Variants in KHDRBS2 observed in about 807,000 individuals in gnomAD.
The protein encoded by KHDRBS2 is KH RNA binding domain containing, signal transduction associated 2.
In KHDRBS2, 26 loss-of-function variants were observed where a neutral mutation model predicts 44.3. That is an observed-to-expected ratio of 0.59 (90% CI 0.43 to 0.81). The LOEUF is 0.81. Among genes scored for constraint, KHDRBS2 ranks in the 40% least tolerant of loss-of-function variants. The probability of loss-of-function intolerance (pLI) is 0.00; values close to 1 mark genes in which losing one functional copy is unlikely to be tolerated. For synonymous variants in KHDRBS2, 194 were observed against 151.1 expected, an observed-to-expected ratio of 1.28 and a Z score of -2.08; for missense variants, 476 against 433.1, an observed-to-expected ratio of 1.10 and a Z score of -0.88.
chr6:62,276,109 T>C (rs1384771702), intron 1 of KHDRBS2, among the ~76,000 whole-genome samples: 3 of 152,180 alleles, frequency 2.0e-5, no homozygotes, highest in Non-Finnish European at 4.4e-5. Flanking sequence ...ATATCTACGC[T>C]CTAGAGAAAA....
intron 6 of KHDRBS2, among the ~76,000 whole-genome samples, chr6:61,774,468 G>C (rs1167664767): frequency 1.3e-5 from 2 of 152,060 alleles, no homozygotes; most frequent in African/African-American, 2.4e-5. Flanking sequence ...CAAAATCAAT[G>C]TACAAAAATC....
the KHDRBS2 span, among the ~76,000 whole-genome samples, chr6:61,664,190 G>A: frequency 6.6e-6 from 1 of 151,842 alleles, no homozygotes; most frequent in East Asian, 2.0e-4. Context: ...AAGCAGATTA[G>A]ATGTTTTAAT....
At chr6:61,965,123 G>T (rs1263298323) in intron 4 of KHDRBS2, among the ~76,000 whole-genome samples, 3 of 152,044 alleles carry the variant, frequency 2.0e-5, no homozygotes, top group African/African-American at 7.2e-5. Flanking sequence ...AAAATTAAAA[G>T]GGAAATGCTA....
intron 4 of KHDRBS2, among the ~76,000 whole-genome samples, chr6:61,943,512 T>A (rs1812573159): frequency 6.6e-6 from 1 of 152,094 alleles, no homozygotes; most frequent in Non-Finnish European, 1.5e-5. Context: ...ATTCTCCACT[T>A]AAAAGATACA....
chr6:61,990,639 T>A (rs187981756), intron 3 of KHDRBS2, among the ~76,000 whole-genome samples: 88 of 152,250 alleles, frequency 5.8e-4, no homozygotes, highest in African/African-American at 1.7e-3. Context: ...CAGCAAGCTC[T>A]GTGCTGAGTA....
chr6:61,871,013 G>T (rs1005424121), intron 6 of KHDRBS2, among the ~76,000 whole-genome samples: 2 of 152,148 alleles, frequency 1.3e-5, no homozygotes, highest in Non-Finnish European at 2.9e-5. Flanking sequence ...TGAGTTTGAC[G>T]CACTGACAGA....
intron 6 of KHDRBS2, among the ~76,000 whole-genome samples, chr6:61,781,201 T>C (rs958102484): frequency 1.3e-5 from 2 of 152,158 alleles, no homozygotes; most frequent in African/African-American, 4.8e-5. Context: ...ATGCCACAAT[T>C]ATATTAATCA....
chr6:62,100,255 A>C (rs1801556689), intron 2 of KHDRBS2, among the ~76,000 whole-genome samples: 1 of 152,218 alleles, frequency 6.6e-6, no homozygotes. Context: ...ATTTTATGAT[A>C]AAACTTAAAT....
chr6:61,568,250 T>C, the KHDRBS2 span, among the ~76,000 whole-genome samples: 2 of 152,214 alleles, frequency 1.3e-5, no homozygotes, highest in African/African-American at 4.8e-5. Flanking sequence ...TAGCCTTGGA[T>C]GATAATTTGA....
chr6:62,062,905 G>C (rs1792373748), intron 2 of KHDRBS2, among the ~76,000 whole-genome samples: 1 of 149,116 alleles, frequency 6.7e-6, no homozygotes, highest in Non-Finnish European at 1.5e-5. Flanking sequence ...GAAAAAAAGA[G>C]AGAAGAATCA....
the KHDRBS2 span, among the ~76,000 whole-genome samples, chr6:61,626,261 C>A: frequency 4.6e-5 from 7 of 152,056 alleles, no homozygotes; most frequent in South Asian, 2.1e-4. Flanking sequence ...AGATAAAAAA[C>A]CATATTTTTA....
intron 2 of KHDRBS2, among the ~76,000 whole-genome samples, chr6:62,061,769 T>A (rs1387178448): frequency 6.7e-6 from 1 of 148,736 alleles, no homozygotes; most frequent in Non-Finnish European, 1.5e-5. Flanking sequence ...TGCAGAGTGT[T>A]TTCCAACTTG....
At chr6:61,659,985 G>A in the KHDRBS2 span, among the ~76,000 whole-genome samples, 1 of 151,702 alleles carries the variant, frequency 6.6e-6, no homozygotes, top group Admixed American at 6.6e-5. Context: ...CTGACAAATA[G>A]CAAGCTTCCA....
intron 2 of KHDRBS2, among the ~76,000 whole-genome samples, chr6:62,134,393 G>T (rs1170549915): frequency 6.6e-6 from 1 of 152,174 alleles, no homozygotes; most frequent in Non-Finnish European, 1.5e-5. Context: ...GATTTCAGAG[G>T]ATGTATGGAA....
chr6:61,814,444 T>C (rs1300454977), intron 6 of KHDRBS2, among the ~76,000 whole-genome samples: 1 of 151,884 alleles, frequency 6.6e-6, no homozygotes, highest in Non-Finnish European at 1.5e-5. Context: ...CTGTCTCTAC[T>C]AAAAATACAA....
intron 1 of KHDRBS2, among the ~76,000 whole-genome samples, chr6:62,284,552 A>T (rs955272694): frequency 2.0e-5 from 3 of 151,612 alleles, no homozygotes; most frequent in African/African-American, 7.3e-5. Context: ...TTTAATTTAT[A>T]TTTTTTTTCA....
intron 1 of KHDRBS2, among the ~76,000 whole-genome samples, chr6:62,263,386 AACT>A (rs1182940660): frequency 6.6e-6 from 1 of 151,664 alleles, no homozygotes; most frequent in Non-Finnish European, 1.5e-5. Flanking sequence ...TTCAGTTATC[AACT>A]ACATTTTTTG....
the KHDRBS2 span, among the ~76,000 whole-genome samples, chr6:61,664,016 A>T: frequency 4.0e-5 from 6 of 151,830 alleles, no homozygotes; most frequent in Non-Finnish European, 8.8e-5. Flanking sequence ...AAATCAAAAC[A>T]GGGTTAAAAT....
chr6:61,663,333 T>C, the KHDRBS2 span, among the ~76,000 whole-genome samples: 1 of 147,206 alleles, frequency 6.8e-6, no homozygotes. Flanking sequence ...CACACCAACA[T>C]GGCACATGTA....
Sources: allele counts gnomAD v4.1 joint callset (sites outside exome capture counted in the v4.1 genomes callset), GRCh38; gene constraint gnomAD v4.1.1; transcripts MANE v1.5; gene names NCBI Gene and HGNC (gene_info 2026-07-23, HGNC 2026-07-21).